The following RBMXL2 variants were observed in gnomAD, a reference collection of about 807,000 sequenced individuals.
RBMXL2 encodes the protein RBMX like 2.
In RBMXL2, 2 loss-of-function variants were observed where a neutral mutation model predicts 1.0. The ratio of observed to expected loss-of-function variants is 2.05; its 90% CI spans 0.84 to 6.44. The LOEUF (loss-of-function observed/expected upper bound fraction) is 6.44. Ranked by LOEUF, RBMXL2 falls within the 30% of genes most tolerant of loss-of-function variation. RBMXL2 has a pLI of 0.05. For missense variants in RBMXL2, 658 were observed against 608.5 expected (o/e 1.08, Z -0.85); for synonymous variants, 313 against 267.9 (o/e 1.17, Z -1.64).
At position 7,089,279 on chromosome 11, in the gene RBMXL2, C is replaced by T. The variant is rs757270882; in HGVS notation, c.159C>T (p.Phe53=). 6.2e-6 allele frequency: 10 copies of T among 1,608,602 alleles called. No individual in the cohort carries two copies. The highest frequency in any genetic ancestry group is 8.5e-6 in the Non-Finnish European group (10 of 1,177,326). Residue 53 remains phenylalanine (F), a synonymous_variant, in exon 1 of 1, where the codon TTC becomes TTT. Transcript: ENST00000306904. ...CCAACAAGTCGAGGGGCTTCGCGTT[C>T]GTCACCTTTGAAAGCCCCGCAGACG... ...RETNKSRGFA[F]VTFESPADAK... is the part of the protein sequence containing the mutation.
rs548477331 is a variant in RBMXL2 at position 7,089,270 on chromosome 11, C to T, written c.150C>T (p.Gly50=). 1.2e-6 allele frequency: 2 copies of T among 1,609,536 alleles called. No homozygotes were observed. The highest frequency in any genetic ancestry group is 1.1e-5 in the South Asian group (1 of 90,336). The change falls in exon 1 of 1, where the codon GGC becomes GGT. Residue 50 remains glycine (G), a synonymous_variant. Transcript: ENST00000306904. ...MKDRETNKSR[G]FAFVTFESPA... Reference sequence around the variant, plus strand: ...ACCGAGAAACCAACAAGTCGAGGGGCTTCGCGTTCGTCACCTTTGAAAGCC... The same window carrying T: ...ACCGAGAAACCAACAAGTCGAGGGGTTTCGCGTTCGTCACCTTTGAAAGCC...
chr11:7,090,155 A>G lies in RBMXL2; in HGVS notation c.1035A>G (p.Arg345=), dbSNP rs1198539356. The change falls in exon 1 of 1, where the codon AGA becomes AGG. Residue 345 remains arginine, a synonymous_variant. Coordinates refer to ENST00000306904, the MANE Select transcript of RBMXL2 (RefSeq NM_014469.5). ...CGAGGGGCCGACACCGGGTGGGCAG[A>G]CCAGATCGTGGGCTCTCTCTGTCCA... ...RYSRGRHRVG[R]PDRGLSLSME... is the part of the protein sequence containing the mutation. The G allele has an allele frequency of 6.2e-7, 1 of 1,613,708 alleles. No homozygotes were observed. Among genetic ancestry groups the G allele is most frequent in the East Asian group, 2.2e-5 (1 of 44,890 alleles).
chr11:7,089,387 C>G lies in RBMXL2; in HGVS notation c.267C>G (p.Phe89Leu), dbSNP rs1194551133. The G allele has an allele frequency of 6.9e-6, 11 of 1,598,988 alleles. No individual in the cohort carries two copies. The highest frequency in any genetic ancestry group is 1.1e-5 in the South Asian group (1 of 89,286). ...IKVAQATKPAFESSRRGPPPP... is the reference protein window; with the variant it reads ...IKVAQATKPALESSRRGPPPP... Reference sequence around the variant, plus strand: ...TGGCCCAGGCCACCAAACCGGCGTTCGAGAGCAGCCGGCGGGGCCCGCCGC... The same window carrying G: ...TGGCCCAGGCCACCAAACCGGCGTTGGAGAGCAGCCGGCGGGGCCCGCCGC... Residue 89 changes from phenylalanine (F) to leucine (L), a missense_variant, in exon 1 of 1, where the codon TTC becomes TTG. Physicochemically the swap from Phe to Leu is conservative, Grantham distance 22. Coordinates refer to ENST00000306904, the MANE Select transcript of RBMXL2 (RefSeq NM_014469.5).
Position 7,089,280 on chromosome 11 carries a change from G to A in RBMXL2, c.160G>A (p.Val54Ile). Residue 54 changes from valine to isoleucine, a missense_variant, in exon 1 of 1, where the codon GTC (valine) becomes ATC (isoleucine). Coordinates refer to ENST00000306904, the MANE Select transcript of RBMXL2 (RefSeq NM_014469.5). ...ETNKSRGFAF[V>I]TFESPADAKA... Reference sequence around the variant, plus strand: ...CAACAAGTCGAGGGGCTTCGCGTTCGTCACCTTTGAAAGCCCCGCAGACGC... The same window carrying A: ...CAACAAGTCGAGGGGCTTCGCGTTCATCACCTTTGAAAGCCCCGCAGACGC... The A allele has an allele frequency of 7.5e-6, 12 of 1,608,304 alleles. No individual in the cohort carries two copies. Among genetic ancestry groups the A allele is most frequent in the Non-Finnish European group, 9.3e-6 (11 of 1,177,230 alleles).
chr11:7,089,419 G>A lies in RBMXL2; in HGVS notation c.299G>A (p.Arg100His), dbSNP rs140756734. Reference protein sequence around the residue: ...ESSRRGPPPPRSRGRPRFLRG... With the variant: ...ESSRRGPPPPHSRGRPRFLRG... ...AGCCGGCGGGGCCCGCCGCCTCCCC[G>A]CAGCCGCGGTCGCCCGAGGTTCCTG... Residue 100 changes from arginine (R) to histidine (H), a missense_variant, in exon 1 of 1, where the codon CGC (arginine) becomes CAC (histidine). Transcript: ENST00000306904. The A allele has an allele frequency of 2.3e-3, 3,610 of 1,566,832 alleles. 7 individuals carry two copies. Among genetic ancestry groups the A allele is most frequent in the Non-Finnish European group, 3.0e-3 (3,467 of 1,156,894 alleles).
At position 7,089,809 on chromosome 11, in the gene RBMXL2, GT is replaced by G; in HGVS notation, c.693del (p.Phe231LeufsTer24). Reference protein sequence around the residue: ...YSSRDYREPRGFAPSPGEYTH... With the variant: ...YSSRDYREPRXFAPSPGEYTH... ...AGCCGAGACTACCGCGAACCCCGGGGTTTTGCCCCCTCGCCCGGAGAGTACA... is the reference window on the plus strand; with the variant it reads ...AGCCGAGACTACCGCGAACCCCGGGGTTTGCCCCCTCGCCCGGAGAGTACA... On this transcript the variant is annotated frameshift_variant, in exon 1 of 1. Coordinates refer to ENST00000306904, the MANE Select transcript of RBMXL2 (RefSeq NM_014469.5). LOFTEE classifies it low-confidence loss of function (END_TRUNC). 1 of 1,606,670 alleles carries G rather than the reference GT, an allele frequency of 6.2e-7. No homozygotes were observed.
chr11:7,090,159 G>T lies in RBMXL2; in HGVS notation c.1039G>T (p.Asp347Tyr). Residue 347 changes from aspartate to tyrosine, a missense_variant, in exon 1 of 1, where the codon GAT becomes TAT. Physicochemically the swap from Asp to Tyr is radical, Grantham distance 160. Coordinates refer to ENST00000306904, the MANE Select transcript of RBMXL2 (RefSeq NM_014469.5). Reference sequence around the variant, plus strand: ...GGGCCGACACCGGGTGGGCAGACCAGATCGTGGGCTCTCTCTGTCCATGGA... The same window carrying T: ...GGGCCGACACCGGGTGGGCAGACCATATCGTGGGCTCTCTCTGTCCATGGA... ...SRGRHRVGRP[D>Y]RGLSLSMERG... 6 of 1,613,882 alleles carry T rather than the reference G, an allele frequency of 3.7e-6. No homozygotes were observed. Among genetic ancestry groups the T allele is most frequent in the Non-Finnish European group, 5.1e-6 (6 of 1,179,978 alleles).
chr11:7,089,615 G>C lies in RBMXL2; in HGVS notation c.495G>C (p.Ala165=). The change falls in exon 1 of 1, where the codon GCG becomes GCC. Residue 165 remains alanine (A), a synonymous_variant. Coordinates refer to ENST00000306904, the MANE Select transcript of RBMXL2 (RefSeq NM_014469.5). ...RRVGPPPKRA[A]PSGPARSSGG... ...TCGGCCCACCCCCCAAGAGGGCCGC[G>C]CCGTCGGGCCCGGCTCGCAGCAGCG... The C allele has an allele frequency of 8.3e-7, 1 of 1,207,062 alleles. No individual in the cohort carries two copies. The highest frequency in any genetic ancestry group is 1.0e-6 in the Non-Finnish European group (1 of 972,288). The allele number at this position is 1,207,062 out of a possible 1,614,324, so 74.8% of individuals were successfully genotyped here.
chr11:7,089,664 C>T lies in RBMXL2; in HGVS notation c.544C>T (p.Leu182=). 2 of 1,453,246 alleles carry T rather than the reference C, an allele frequency of 1.4e-6. No individual in the cohort carries two copies. The highest frequency in any genetic ancestry group is 1.8e-6 in the Non-Finnish European group (2 of 1,105,130). 90.0% of individuals were successfully genotyped at this position (1,453,246 alleles called of 1,614,324 possible). Residue 182 remains leucine, a synonymous_variant, in exon 1 of 1, where the codon CTG becomes TTG. Coordinates refer to ENST00000306904, the MANE Select transcript of RBMXL2 (RefSeq NM_014469.5). ...CGGCGGTGGAATGCGCGGGAGGGCCCTGGCCGTGCGGGGGCGAGACGGCTA... is the reference window on the plus strand; with the variant it reads ...CGGCGGTGGAATGCGCGGGAGGGCCTTGGCCGTGCGGGGGCGAGACGGCTA... ...SSGGGMRGRA[L]AVRGRDGYSG...
rs1853110689 is a variant in RBMXL2 at position 7,090,357 on chromosome 11, C to G, written c.*58C>G. Reference sequence around the variant, plus strand: ...TCAACGAAACTAACAAAAAGAAGAACCTGTTGTATGGTAACTACCCAAGGA... The same window carrying G: ...TCAACGAAACTAACAAAAAGAAGAAGCTGTTGTATGGTAACTACCCAAGGA... On this transcript the variant is annotated 3_prime_UTR_variant, in exon 1 of 1. Transcript: ENST00000306904. 2.0e-6 allele frequency: 3 copies of G among 1,522,832 alleles called. No individual in the cohort carries two copies. The South Asian group carries it at 3.6e-5, about 18-fold the overall frequency. The allele number at this position is 1,522,832 out of a possible 1,614,324, so 94.3% of individuals were successfully genotyped here.
Position 7,089,871 on chromosome 11 carries a change from G to T in RBMXL2, c.751G>T (p.Asp251Tyr). The T allele has an allele frequency of 6.2e-7, 1 of 1,612,792 alleles. No homozygotes were observed. The highest frequency in any genetic ancestry group is 8.5e-7 in the Non-Finnish European group (1 of 1,179,958). ...RDYGHSSVRD[D>Y]CPLRGYSDRD... The stretch of plus-strand genomic sequence containing the variant: ...TTACGGCCACTCCAGTGTCCGGGAC[G>T]ACTGTCCCTTGAGAGGCTACAGCGA... Residue 251 changes from aspartate (D) to tyrosine (Y), a missense_variant, in exon 1 of 1, where the codon GAC becomes TAC. Asp to Tyr is a radical substitution (Grantham distance 160). Coordinates refer to ENST00000306904, the MANE Select transcript of RBMXL2 (RefSeq NM_014469.5).
rs922197516 is a variant in RBMXL2, at chr11:7,089,995, C to T, written c.875C>T (p.Ala292Val). 1 of 1,612,994 alleles carries T rather than the reference C, an allele frequency of 6.2e-7. No individual in the cohort carries two copies. The highest frequency in any genetic ancestry group is 1.3e-5 in the African/African-American group (1 of 74,900). ...PFESYGELRG[A>V]APGRGTPPSY... ...GAGAGCTACGGAGAGCTGCGCGGCG[C>T]CGCCCCAGGACGGGGGACACCGCCA... The change falls in exon 1 of 1, where the codon GCC becomes GTC. Residue 292 changes from alanine to valine, a missense_variant. Transcript: ENST00000306904.
At position 7,090,429 on chromosome 11, in the gene RBMXL2, AG is replaced by A. The variant is rs375655157; in HGVS notation, c.*131del. On this transcript the variant is annotated 3_prime_UTR_variant, in exon 1 of 1. Coordinates refer to ENST00000306904, the MANE Select transcript of RBMXL2 (RefSeq NM_014469.5). ...TTTACCTTTTAAGAATTTCCTGTTAAGATCGTCTCCATTTTTATGCTTTTGG... is the reference window on the plus strand; with the variant it reads ...TTTACCTTTTAAGAATTTCCTGTTAAATCGTCTCCATTTTTATGCTTTTGG... The A allele has an allele frequency of 3.9e-4, 469 of 1,200,600 alleles. 1 individual carries two copies. In the African/African-American group the frequency reaches 6.5e-3, roughly 17 times the overall value. The allele number at this position is 1,200,600 out of a possible 1,614,324, so 74.4% of individuals were successfully genotyped here.
Position 7,090,307 on chromosome 11 carries a change from C to G in RBMXL2, c.*8C>G. 1 of 1,584,962 alleles carries G rather than the reference C, an allele frequency of 6.3e-7. No homozygotes were observed. The highest frequency in any genetic ancestry group is 8.6e-7 in the Non-Finnish European group (1 of 1,164,804). The stretch of plus-strand genomic sequence containing the variant: ...GGCCGGAGCAGATACTAAGCAGGAA[C>G]AGACTTGGGACCAAAAATCCCTTTT... On this transcript the variant is annotated 3_prime_UTR_variant, in exon 1 of 1. Coordinates refer to ENST00000306904, the MANE Select transcript of RBMXL2 (RefSeq NM_014469.5).
At position 7,089,430 on chromosome 11, in the gene RBMXL2, C is replaced by A; in HGVS notation, c.310C>A (p.Arg104Ser). Reference protein sequence around the residue: ...RGPPPPRSRGRPRFLRGTRGG... With the variant: ...RGPPPPRSRGSPRFLRGTRGG... ...CCCGCCGCCTCCCCGCAGCCGCGGTCGCCCGAGGTTCCTGCGCGGAACCCG... is the reference window on the plus strand; with the variant it reads ...CCCGCCGCCTCCCCGCAGCCGCGGTAGCCCGAGGTTCCTGCGCGGAACCCG... The change falls in exon 1 of 1, where the codon CGC becomes AGC. Residue 104 changes from arginine to serine, a missense_variant. Physicochemically the swap from Arg to Ser is moderately radical, Grantham distance 110 (BLOSUM62 -1). Coordinates refer to ENST00000306904, the MANE Select transcript of RBMXL2 (RefSeq NM_014469.5). 1.3e-6 allele frequency: 2 copies of A among 1,551,148 alleles called. No homozygotes were observed. Among genetic ancestry groups the A allele is most frequent in the South Asian group, 1.2e-5 (1 of 84,584 alleles).
chr11:7,089,370 G>A lies in RBMXL2; in HGVS notation c.250G>A (p.Ala84Thr). Reference protein sequence around the residue: ...LDGKAIKVAQATKPAFESSRR... With the variant: ...LDGKAIKVAQTTKPAFESSRR... ...TGGTAAGGCCATCAAGGTGGCCCAG[G>A]CCACCAAACCGGCGTTCGAGAGCAG... is the stretch of plus-strand genomic sequence containing the variant. Residue 84 changes from alanine (A) to threonine (T), a missense_variant, in exon 1 of 1, where the codon GCC becomes ACC. Physicochemically the swap from Ala to Thr is moderately conservative, Grantham distance 58. Coordinates refer to ENST00000306904, the MANE Select transcript of RBMXL2 (RefSeq NM_014469.5). 2 of 1,605,310 alleles carry A rather than the reference G, an allele frequency of 1.2e-6. No homozygotes were observed. Among genetic ancestry groups the A allele is most frequent in the Non-Finnish European group, 1.7e-6 (2 of 1,176,256 alleles).
In RBMXL2 at chr11:7,090,180, A is replaced by G. The variant is rs371525498; in HGVS notation, c.1060A>G (p.Met354Val). The G allele has an allele frequency of 1.7e-5, 27 of 1,613,760 alleles. No individual in the cohort carries two copies. The highest frequency in any genetic ancestry group is 1.6e-4 in the African/African-American group (12 of 75,046). ...ACCAGATCGTGGGCTCTCTCTGTCCATGGAAAGGGGCTGCCCTCCCCAGCG... is the reference window on the plus strand; with the variant it reads ...ACCAGATCGTGGGCTCTCTCTGTCCGTGGAAAGGGGCTGCCCTCCCCAGCG... ...GRPDRGLSLSMERGCPPQRDS... is the reference protein window; with the variant it reads ...GRPDRGLSLSVERGCPPQRDS... Residue 354 changes from methionine to valine, a missense_variant, in exon 1 of 1, where the codon ATG becomes GTG. Physicochemically the swap from Met to Val is conservative, Grantham distance 21. Coordinates refer to ENST00000306904, the MANE Select transcript of RBMXL2 (RefSeq NM_014469.5).
Position 7,089,728 on chromosome 11 carries a change from G to C in RBMXL2, c.608G>C (p.Arg203Pro). 6.6e-7 allele frequency: 1 copy of C among 1,513,950 alleles called. No homozygotes were observed. The allele number at this position is 1,513,950 out of a possible 1,614,324, so 93.8% of individuals were successfully genotyped here. A position where few individuals can be genotyped will look rare whatever the true frequency, so the allele number is the denominator to read the frequency against. The change falls in exon 1 of 1, where the codon CGC becomes CCC. Residue 203 changes from arginine (R) to proline (P), a missense_variant. Transcript: ENST00000306904. ...PPRREPLPPR[R>P]DPYLGPRDEG... ...CGCCGGGAGCCGCTGCCCCCGCGCC[G>C]CGACCCCTACCTGGGCCCGCGGGAT...
rs1467859066 is a variant in RBMXL2 at position 7,089,028 on chromosome 11, T to C, written c.-93T>C. The stretch of plus-strand genomic sequence containing the variant: ...CGGCGACTAGGCGCCGCCTGACCAG[T>C]AGGAGCCGCCCTCGACGAGCGAGCT... On this transcript the variant is annotated 5_prime_UTR_variant, in exon 1 of 1. Coordinates refer to ENST00000306904, the MANE Select transcript of RBMXL2 (RefSeq NM_014469.5). 6.9e-7 allele frequency: 1 copy of C among 1,448,924 alleles called. No individual in the cohort carries two copies. 89.8% of individuals were successfully genotyped at this position (1,448,924 alleles called of 1,614,324 possible).
Sources: allele counts gnomAD v4.1 joint callset, GRCh38; gene constraint gnomAD v4.1.1; transcripts MANE v1.5; gene names NCBI Gene and HGNC (gene_info 2026-07-23, HGNC 2026-07-21).